TMPRSS15: variants seen among roughly 807,000 people sequenced by gnomAD.
TMPRSS15 encodes the protein transmembrane serine protease 15, also known as enteropeptidase.
Under a neutral mutation model 125.3 loss-of-function variants are expected in TMPRSS15, and 128 were observed. The observed-to-expected ratio is 1.02, with a 90% confidence interval of 0.89 to 1.18. The LOEUF (loss-of-function observed/expected upper bound fraction) is 1.18, where lower values mean the gene tolerates loss of function less well. Among genes scored for constraint, TMPRSS15 ranks in the 50% most tolerant of loss-of-function variants. The pLI is 0.00. For synonymous variants in TMPRSS15, 446 were observed against 423.2 expected, an observed-to-expected ratio of 1.05 and a Z score of -0.66; for missense variants, 1,283 against 1,212.7, an observed-to-expected ratio of 1.06 and a Z score of -0.86.
intron 3 of TMPRSS15, among the ~76,000 whole-genome samples, chr21:18,391,086 C>A (rs184550821): frequency 6.6e-5 from 10 of 152,288 alleles, no homozygotes; most frequent in Admixed American, 5.9e-4. Context: ...CCTCTCTCAA[C>A]ATGTAGGGAT....
At chr21:18,380,697 T>C in intron 4 of TMPRSS15, 1 of 388,138 alleles carries the variant, frequency 2.6e-6, no homozygotes, top group Non-Finnish European at 5.4e-6. Context: ...TTGGAGTTCC[T>C]ATTTTATCCT....
chr21:18,365,626 T>TC (rs1569035569), intron 6 of TMPRSS15, among the ~76,000 whole-genome samples: 3 of 111,740 alleles, frequency 2.7e-5, no homozygotes, highest in African/African-American at 3.9e-5. Context: ...CTCTCTTTCT[T>TC]TCTCTTTCTC....
chr21:18,413,949 A>G (rs146145599), intron 1 of TMPRSS15, among the ~76,000 whole-genome samples: 8 of 152,324 alleles, frequency 5.3e-5, no homozygotes, highest in Non-Finnish European at 1.0e-4. Context: ...AATAATTAAA[A>G]TAATTTGTTT....
chr21:18,275,761 C>T (rs2074612517), intron 23 of TMPRSS15, among the ~76,000 whole-genome samples: 2 of 152,176 alleles, frequency 1.3e-5, no homozygotes. Context: ...TAGCATTCAG[C>T]TTCTTTGTGG....
intron 1 of TMPRSS15, among the ~76,000 whole-genome samples, chr21:18,409,855 T>TCCTTCCCTCCCTCCCTC (rs1263982404): frequency 2.3e-5 from 2 of 85,746 alleles, no homozygotes; most frequent in South Asian, 6.4e-4. Flanking sequence ...CCCCCTTCCT[T>TCCTTCCCTCCCTCCCTC]CCTTCCCTCC....
At chr21:18,445,020 T>C (rs1329927527) in intron 1 of TMPRSS15, among the ~76,000 whole-genome samples, 2 of 152,122 alleles carry the variant, frequency 1.3e-5, no homozygotes, top group Admixed American at 6.5e-5. Flanking sequence ...AAATGGTAAA[T>C]AGTTTTGCAA....
chr21:18,319,592 C>T (rs1029918971), intron 16 of TMPRSS15, among the ~76,000 whole-genome samples: 3 of 152,052 alleles, frequency 2.0e-5, no homozygotes, highest in African/African-American at 7.2e-5. Flanking sequence ...CCACGCTGGG[C>T]TAATTTTGTA....
Position 18,269,907 on chromosome 21 carries a change from C to T in TMPRSS15, c.*62G>A. 4 of 1,593,282 alleles carry T rather than the reference C, an allele frequency of 2.5e-6. No homozygotes were observed. The highest frequency in any genetic ancestry group is 2.6e-6 in the Non-Finnish European group (3 of 1,166,114). On this transcript the variant is annotated 3_prime_UTR_variant, in exon 25 of 25. Coordinates refer to ENST00000284885, the MANE Select transcript of TMPRSS15 (RefSeq NM_002772.3). ...AATTTTTGTACGAAACACTTAATTT[C>T]CATGCTTTCTAGAGTAGAATGGGAA...
intron 1 of TMPRSS15, among the ~76,000 whole-genome samples, chr21:18,437,415 G>C (rs1313999478): frequency 1.3e-5 from 2 of 152,102 alleles, no homozygotes; most frequent in Non-Finnish European, 2.9e-5. Context: ...ATAGGCATGG[G>C]CAAGGACTTC....
chr21:18,297,652 C>T (rs1329954279), intron 19 of TMPRSS15, 82 bp downstream of exon 19: 4 of 961,916 alleles, frequency 4.2e-6, no homozygotes, highest in Non-Finnish European at 6.7e-6. Flanking sequence ...TATGTAATAG[C>T]ATTCAAATCT....
At chr21:18,344,775 A>G (rs537528562) in intron 10 of TMPRSS15, among the ~76,000 whole-genome samples, 3 of 152,326 alleles carry the variant, frequency 2.0e-5, no homozygotes, top group African/African-American at 7.2e-5. Flanking sequence ...TCTTAGGGGA[A>G]TTTATTTTAT....
chr21:18,350,994 G>C (rs2075562932), intron 10 of TMPRSS15, among the ~76,000 whole-genome samples: 1 of 151,838 alleles, frequency 6.6e-6, no homozygotes, highest in Non-Finnish European at 1.5e-5. Flanking sequence ...TTTTTATTAA[G>C]TTGAAATAGT....
At chr21:18,345,277 A>C (rs1045602093) in intron 10 of TMPRSS15, among the ~76,000 whole-genome samples, 1 of 152,170 alleles carries the variant, frequency 6.6e-6, no homozygotes, top group Non-Finnish European at 1.5e-5. Flanking sequence ...TCATGAGTAC[A>C]TATCTTAGCT....
intron 1 of TMPRSS15, among the ~76,000 whole-genome samples, chr21:18,440,327 C>A (rs897911607): frequency 7.4e-6 from 1 of 135,616 alleles, no homozygotes. Flanking sequence ...GAGTCGAGAT[C>A]GCGCCACTGC....
chr21:18,367,646 C>A (rs2075751359), intron 6 of TMPRSS15, among the ~76,000 whole-genome samples: 1 of 152,126 alleles, frequency 6.6e-6, no homozygotes, highest in Non-Finnish European at 1.5e-5. Context: ...ACTTAGGAAG[C>A]AATGAGGTAG....
intron 1 of TMPRSS15, among the ~76,000 whole-genome samples, chr21:18,413,272 CTTTT>C (rs1189653784): frequency 8.0e-5 from 8 of 99,752 alleles, no homozygotes; most frequent in African/African-American, 3.0e-4. Context: ...CTTTCTCTTT[CTTTT>C]TCTTTTTCTT....
chr21:18,334,387 C>T (rs367638847), intron 13 of TMPRSS15, among the ~76,000 whole-genome samples: 7 of 152,204 alleles, frequency 4.6e-5, no homozygotes, highest in Admixed American at 6.5e-5. Flanking sequence ...TTTACCAAAT[C>T]TTGCAAAGTG....
intron 1 of TMPRSS15, among the ~76,000 whole-genome samples, chr21:18,449,861 ACACACACACACACACG>A (rs1025230710): frequency 2.2e-5 from 1 of 45,974 alleles, no homozygotes; most frequent in African/African-American, 5.6e-5. Flanking sequence ...TCCCTCAAAC[ACACACACACACACACG>A]CACACACACA....
intron 18 of TMPRSS15, among the ~76,000 whole-genome samples, chr21:18,305,263 A>G (rs2075022145): frequency 7.5e-6 from 1 of 133,312 alleles, no homozygotes; most frequent in Non-Finnish European, 1.5e-5. Context: ...ATCTCGGCTC[A>G]CTGCAAGCTC....
Sources: allele counts gnomAD v4.1 joint callset (sites outside exome capture counted in the v4.1 genomes callset), GRCh38; gene constraint gnomAD v4.1.1; transcripts MANE v1.5; gene names NCBI Gene and HGNC (gene_info 2026-07-23, HGNC 2026-07-21).